The following CCDC15 variants were observed in gnomAD, a reference collection of about 807,000 sequenced individuals.
CCDC15 encodes the protein coiled-coil domain containing 15, also known as coiled-coil domain-containing protein 15.
CCDC15 carries 105 observed loss-of-function variants against 114.5 expected under a neutral mutation model. The observed-to-expected ratio is 0.92, with a 90% CI of 0.78 to 1.08. CCDC15 has a LOEUF of 1.08. CCDC15 is among the 50% of genes least tolerant of loss of function. The probability of loss-of-function intolerance (pLI) is 0.00; values close to 1 mark genes in which losing one functional copy is unlikely to be tolerated. For missense variants in CCDC15, 1,105 were observed against 1,093.6 expected (o/e 1.01, Z -0.15); for synonymous variants, 334 against 377.8 (o/e 0.88, Z 1.34).
intron 5 of CCDC15, 53 bp downstream of exon 5, chr11:124,975,262 T>A: frequency 1.7e-5 from 19 of 1,095,306 alleles, no homozygotes; most frequent in Non-Finnish European, 2.5e-5. Flanking sequence ...AAAATACAGA[T>A]AAAGATTTAC....
intron 13 of CCDC15, among the ~76,000 whole-genome samples, chr11:125,029,604 C>T (rs1591614104): frequency 6.6e-6 from 1 of 152,344 alleles, no homozygotes; most frequent in East Asian, 1.9e-4. Flanking sequence ...ATACTCATGA[C>T]AGTTACAGTC....
intron 7 of CCDC15, 90 bp downstream of exon 7, chr11:124,986,978 T>C: frequency 1.4e-6 from 2 of 1,405,188 alleles, no homozygotes; most frequent in African/African-American, 1.5e-5. Context: ...GATTTAGCTT[T>C]TGTTAAGTTG....
intron 4 of CCDC15, among the ~76,000 whole-genome samples, chr11:124,970,704 T>C (rs1947863049): frequency 1.3e-5 from 2 of 152,210 alleles, no homozygotes; most frequent in South Asian, 4.1e-4. Flanking sequence ...TTCTATCTTA[T>C]TCTTGATTGG....
chr11:125,009,952 G>A (rs947393654), intron 13 of CCDC15, among the ~76,000 whole-genome samples: 1 of 152,132 alleles, frequency 6.6e-6, no homozygotes, highest in African/African-American at 2.4e-5. Context: ...TTGAATAGTG[G>A]TGCGATGAAC....
intron 11 of CCDC15, among the ~76,000 whole-genome samples, chr11:124,997,684 A>G (rs1948398178): frequency 1.3e-5 from 2 of 152,184 alleles, no homozygotes; most frequent in Non-Finnish European, 2.9e-5. Context: ...GCTCATGCCT[A>G]TAATCCCAGC....
rs1168261131 is a variant in CCDC15, at chr11:124,991,489, A to T, written c.1937A>T (p.Asp646Val). 1 of 1,598,204 alleles carries T rather than the reference A, an allele frequency of 6.3e-7. No individual in the cohort carries two copies. Among genetic ancestry groups the T allele is most frequent in the Admixed American group, 1.7e-5 (1 of 59,918 alleles). Residue 646 changes from aspartate (D) to valine (V), a missense_variant, in exon 9 of 16, where the codon GAT becomes GTT. Transcript: ENST00000344762. The stretch of plus-strand genomic sequence containing the variant: ...GTACACTTTAAGGAGCCATACTCTG[A>T]TATGACAGATGAGAAAGGGAGAGAA... ...QKVHFKEPYSDMTDEKGREDF... is the reference protein window; with the variant it reads ...QKVHFKEPYSVMTDEKGREDF...
chr11:125,032,414 C>T (rs918015838), intron 13 of CCDC15, among the ~76,000 whole-genome samples: 1 of 152,188 alleles, frequency 6.6e-6, no homozygotes, highest in Non-Finnish European at 1.5e-5. Context: ...TGAAACCACA[C>T]CTGGTACAGC....
In CCDC15 at chr11:124,991,534, A is replaced by G. The variant is rs761598183; in HGVS notation, c.1982A>G (p.Tyr661Cys). The G allele has an allele frequency of 5.0e-6, 8 of 1,610,064 alleles. No individual in the cohort carries two copies. The highest frequency in any genetic ancestry group is 5.9e-6 in the Non-Finnish European group (7 of 1,177,202). The change falls in exon 9 of 16, where the codon TAT becomes TGT. Residue 661 changes from tyrosine (Y) to cysteine (C), a missense_variant. Physicochemically the swap from Tyr to Cys is radical, Grantham distance 194. Transcript: ENST00000344762. ...AGAGAAGACTTTTCTCTGGCAGACT[A>G]TCAGTGTTTGCCTCCCAAATCCCAG... is the stretch of plus-strand genomic sequence containing the variant. ...KGREDFSLAD[Y>C]QCLPPKSQDQ...
At chr11:124,958,316 C>A (rs1478848465) in intron 2 of CCDC15, among the ~76,000 whole-genome samples, 2 of 152,000 alleles carry the variant, frequency 1.3e-5, no homozygotes, top group Non-Finnish European at 2.9e-5. Flanking sequence ...TTGAATGCGA[C>A]CCAATGTAAA....
In CCDC15 at chr11:124,975,119, A is replaced by C. The variant is rs746075437; in HGVS notation, c.540A>C (p.Ala180=). The C allele has an allele frequency of 1.3e-6, 2 of 1,589,442 alleles. No individual in the cohort carries two copies. The highest frequency in any genetic ancestry group is 4.7e-5 in the East Asian group (2 of 42,634). ...AGCTTAGTGAAACTATGAAACAGGC[A>C]CGTCACCGGCTAGCATCCTTTAAAA... is the stretch of plus-strand genomic sequence containing the variant. ...AQALSETMKQ[A]RHRLASFKTV... Residue 180 remains alanine, a synonymous_variant, in exon 5 of 16, where the codon GCA becomes GCC. Coordinates refer to ENST00000344762, the MANE Select transcript of CCDC15 (RefSeq NM_025004.3).
At chr11:125,034,022 G>T (rs192034362) in intron 13 of CCDC15, among the ~76,000 whole-genome samples, 19 of 152,294 alleles carry the variant, frequency 1.2e-4, no homozygotes, top group East Asian at 3.9e-4. Flanking sequence ...CTTGTTATAG[G>T]TCTAGAAGCA....
At chr11:125,003,104 C>A (rs993380440) in intron 11 of CCDC15, among the ~76,000 whole-genome samples, 1 of 151,784 alleles carries the variant, frequency 6.6e-6, no homozygotes, top group African/African-American at 2.4e-5. Context: ...GTATAAAATT[C>A]ACACTTCCTC....
chr11:124,964,102 T>A (rs1317604802), intron 4 of CCDC15, among the ~76,000 whole-genome samples: 1 of 152,184 alleles, frequency 6.6e-6, no homozygotes, highest in East Asian at 1.9e-4. Flanking sequence ...TTCTTTTTGT[T>A]TAGGATTGTC....
chr11:124,970,612 T>C (rs973961256), intron 4 of CCDC15, among the ~76,000 whole-genome samples: 1 of 152,218 alleles, frequency 6.6e-6, no homozygotes, highest in African/African-American at 2.4e-5. Flanking sequence ...TAAAATTCTA[T>C]AAATATTAGA....
intron 13 of CCDC15, among the ~76,000 whole-genome samples, chr11:125,015,066 AATG>A (rs1948619583): frequency 6.6e-6 from 1 of 152,192 alleles, no homozygotes; most frequent in Non-Finnish European, 1.5e-5. Flanking sequence ...AGAGAATAAT[AATG>A]AAGATAAATC....
intron 13 of CCDC15, among the ~76,000 whole-genome samples, chr11:125,012,059 G>A (rs899026922): frequency 1.3e-5 from 2 of 152,308 alleles, no homozygotes; most frequent in African/African-American, 2.4e-5. Context: ...GTTCCATTGA[G>A]CCTAGATGCG....
chr11:125,008,921 A>G (rs1200684864), intron 13 of CCDC15, among the ~76,000 whole-genome samples: 2 of 152,142 alleles, frequency 1.3e-5, no homozygotes, highest in Non-Finnish European at 2.9e-5. Flanking sequence ...TAAACAATGC[A>G]TAAAAAGTTA....
chr11:125,019,885 G>C (rs375511417), intron 13 of CCDC15, among the ~76,000 whole-genome samples: 1 of 151,842 alleles, frequency 6.6e-6, no homozygotes, highest in Non-Finnish European at 1.5e-5. Flanking sequence ...AGTGGGGTAC[G>C]TGTGAAATTT....
chr11:124,962,327 T>C (rs1358557743), intron 4 of CCDC15, among the ~76,000 whole-genome samples: 1 of 152,240 alleles, frequency 6.6e-6, no homozygotes, highest in Non-Finnish European at 1.5e-5. Context: ...TAGAAACATG[T>C]GATCTTGGAG....
Sources: allele counts gnomAD v4.1 joint callset (sites outside exome capture counted in the v4.1 genomes callset), GRCh38; gene constraint gnomAD v4.1.1; transcripts MANE v1.5; gene names NCBI Gene and HGNC (gene_info 2026-07-23, HGNC 2026-07-21).